The following EPG5 variants were observed in gnomAD, a reference collection of about 807,000 sequenced individuals.
EPG5 encodes ectopic P-granules 5 autophagy tethering factor, also known as ectopic P granules protein 5 homolog.
EPG5 carries 159 observed loss-of-function variants against 302.7 expected under a neutral mutation model. That is an observed-to-expected ratio of 0.53 (90% confidence interval 0.46 to 0.60). The LOEUF is 0.60. Ranked by LOEUF, EPG5 falls within the 20% of genes least tolerant of loss-of-function variation. The pLI, the probability that EPG5 is intolerant of heterozygous loss-of-function variation, is 0.00. For missense variants in EPG5, 2,896 were observed against 3,092.4 expected, an observed-to-expected ratio of 0.94 and a Z score of 1.51; for synonymous variants, 1,158 against 1,136.8, an observed-to-expected ratio of 1.02 and a Z score of -0.37.
rs1284048303 is a variant in EPG5, at chr18:45,865,358, GAAA to G, written c.6766+254_6766+256del. Among the ~76,000 whole-genome samples the G allele has an allele frequency of 2.0e-5, 3 of 152,144 alleles. No individual in the cohort carries two copies. The South Asian group carries it at 6.2e-4, about 32-fold the overall frequency. ...AAAATCCCTAGAAATGCCGCTCACT[GAAA>G]GGTCTCTGATATCTCCTAATCATTA... On this transcript the variant is annotated intron_variant, in intron 39 of 43. Coordinates refer to ENST00000282041, the MANE Select transcript of EPG5 (RefSeq NM_020964.3).
At chr18:45,895,133 T>C (rs1411102304) in intron 27 of EPG5, among the ~76,000 whole-genome samples, 3 of 151,990 alleles carry the variant, frequency 2.0e-5, no homozygotes, top group Non-Finnish European at 4.4e-5. Context: ...CTTTGGAAAA[T>C]ACAGGAATGA....
chr18:45,957,586 C>T (rs1343545754), intron 1 of EPG5, among the ~76,000 whole-genome samples: 1 of 152,166 alleles, frequency 6.6e-6, no homozygotes, highest in Admixed American at 6.5e-5. Context: ...ACATCAGGGA[C>T]TCTTCATCGC....
intron 7 of EPG5, 52 bp from the exon 8 acceptor site, chr18:45,944,171 T>C (rs770289372): frequency 3.5e-6 from 4 of 1,128,326 alleles, no homozygotes; most frequent in East Asian, 4.7e-5. Flanking sequence ...GATCACACTA[T>C]GATCTAGCGT....
chr18:45,825,696 G>C, the EPG5 span: 2 of 1,609,040 alleles, frequency 1.2e-6, no homozygotes, highest in African/African-American at 1.3e-5. Flanking sequence ...GGCCGAGAGC[G>C]GGTCTGGCCT....
chr18:45,925,170 G>A (rs1327948602), intron 14 of EPG5, among the ~76,000 whole-genome samples: 2 of 152,168 alleles, frequency 1.3e-5, no homozygotes, highest in Non-Finnish European at 2.9e-5. Context: ...TAACTAGCCA[G>A]AGACAAAACA....
rs779003764 is a variant in EPG5 at position 45,954,796 on chromosome 18, T to G, written c.606A>C (p.Pro202=). Residue 202 remains proline (P), a synonymous_variant, in exon 2 of 44, where the codon CCA becomes CCC. Transcript: ENST00000282041. ...PQNVGLQSSC[P]AKHGFQTPRV... Reference sequence around the variant, plus strand: ...TAGGTGTCTGAAAACCATGTTTGGCTGGGCAAGAACTCTGCAAGCCAACAT... The same window carrying G: ...TAGGTGTCTGAAAACCATGTTTGGCGGGGCAAGAACTCTGCAAGCCAACAT... 2.5e-6 allele frequency: 4 copies of G among 1,613,994 alleles called. No homozygotes were observed. The highest frequency in any genetic ancestry group is 1.7e-4 in the Middle Eastern group (1 of 6,056).
At chr18:45,936,633 C>T (rs1395188664) in intron 10 of EPG5, among the ~76,000 whole-genome samples, 1 of 145,282 alleles carries the variant, frequency 6.9e-6, no homozygotes, top group African/African-American at 2.6e-5. Flanking sequence ...GAGGCTGAGG[C>T]AGGAGAATCA....
chr18:45,921,901 T>C (rs1257474281), intron 16 of EPG5, among the ~76,000 whole-genome samples: 1 of 150,444 alleles, frequency 6.6e-6, no homozygotes, highest in African/African-American at 2.5e-5. Context: ...ACATGGCACA[T>C]GTATATGTAT....
the EPG5 span, chr18:45,829,153 A>G: frequency 1.0e-6 from 1 of 985,518 alleles, no homozygotes; most frequent in African/African-American, 1.7e-5. Context: ...CAGCAGGGTC[A>G]GCCTGTGGCC....
At chr18:45,901,266 AT>A in intron 25 of EPG5, 99 bp from the exon 26 acceptor site, 2 of 1,031,146 alleles carry the variant, frequency 1.9e-6, no homozygotes, top group Non-Finnish European at 2.8e-6. Context: ...TCCTCAAAAA[AT>A]TTATAGTCTT....
chr18:45,934,835 G>A lies in EPG5; in HGVS notation c.2231C>T (p.Pro744Leu). 6.2e-7 allele frequency: 1 copy of A among 1,614,028 alleles called. No homozygotes were observed. Among genetic ancestry groups the A allele is most frequent in the Middle Eastern group, 1.7e-4 (1 of 6,058 alleles). The part of the protein sequence containing the change: ...NLQQLSSSLQ[P>L]AQCKQQLQDP... ...TTGGAGCTGCTGCTTGCACTGGGCG[G>A]GCTGCAGGGAGGAGGAGAGCTGCTG... The change falls in exon 11 of 44, where the codon CCC becomes CTC. Residue 744 changes from proline (P) to leucine (L), a missense_variant. Pro to Leu is a moderately conservative substitution (Grantham distance 98). Transcript: ENST00000282041.
Position 45,867,552 on chromosome 18 carries a change from C to T in EPG5, c.6411+11G>A, listed in dbSNP as rs776359537. ...CTTGCCGAATTTTTGCCATAAGCTT[C>T]CCAAACTTACTGTTTGGTCTACCAG... On this transcript the variant is annotated intron_variant, in intron 37 of 43. Transcript: ENST00000282041. 2 of 1,611,290 alleles carry T rather than the reference C, an allele frequency of 1.2e-6. No individual in the cohort carries two copies. Among genetic ancestry groups the T allele is most frequent in the Non-Finnish European group, 1.7e-6 (2 of 1,178,036 alleles).
At chr18:45,916,383 G>T (rs1469583785) in intron 18 of EPG5, 55 bp downstream of exon 18, 1 of 1,589,354 alleles carries the variant, frequency 6.3e-7, no homozygotes, top group Non-Finnish European at 8.6e-7. Context: ...TAACGCTAGA[G>T]GTCTTGGTTG....
At chr18:45,837,060 G>A in the EPG5 span, 48 of 1,572,898 alleles carry the variant, frequency 3.1e-5, no homozygotes, top group Non-Finnish European at 3.5e-5. Flanking sequence ...TAGATACTAC[G>A]GAGAACTTGC....
chr18:45,838,819 TCCGGC>T, the EPG5 span: 1 of 1,560,542 alleles, frequency 6.4e-7, no homozygotes, highest in Admixed American at 1.9e-5. Context: ...CCTCGCCTGG[TCCGGC>T]CCGGCCCTGG....
intron 24 of EPG5, 31 bp downstream of exon 24, chr18:45,907,920 TAAAAAAA>T: frequency 1.6e-5 from 21 of 1,343,536 alleles, no homozygotes; most frequent in Admixed American, 9.1e-5. Context: ...TCAGATATGC[TAAAAAAA>T]AAAAAAAAAA....
At chr18:45,925,537 T>G (rs766499087) in intron 14 of EPG5, among the ~76,000 whole-genome samples, 3 of 152,218 alleles carry the variant, frequency 2.0e-5, no homozygotes, top group Non-Finnish European at 4.4e-5. Context: ...GAATTTTCAA[T>G]GTGGAACAAT....
intron 43 of EPG5, among the ~76,000 whole-genome samples, chr18:45,855,046 A>T (rs2048486250): frequency 6.6e-6 from 1 of 151,804 alleles, no homozygotes; most frequent in Admixed American, 6.6e-5. Flanking sequence ...CATAGGTTAT[A>T]GGAATGTGGC....
Position 45,954,395 on chromosome 18 carries a change from T to A in EPG5, c.1007A>T (p.Gln336Leu). 6.3e-7 allele frequency: 1 copy of A among 1,595,032 alleles called. No individual in the cohort carries two copies. The highest frequency in any genetic ancestry group is 8.5e-7 in the Non-Finnish European group (1 of 1,171,944). Reference sequence around the variant, plus strand: ...TCCCCAGGCTTCTGATCAAAATACCTGTACAGACATTTGTTCCTCCTTAAA... The same window carrying A: ...TCCCCAGGCTTCTGATCAAAATACCAGTACAGACATTTGTTCCTCCTTAAA... ...WQFKEEQMSV[Q>L]GICADQVKVF... is the part of the protein sequence containing the mutation. The change falls in exon 2 of 44, where the codon CAG (glutamine) becomes CTG (leucine). Residue 336 changes from glutamine (Q) to leucine (L), a missense_variant and splice_region_variant. By Grantham distance (113) the Gln-to-Leu change is moderately radical. Transcript: ENST00000282041.
Sources: gnomAD v4.1 joint callset for allele counts (sites outside exome capture counted in the v4.1 genomes callset) on GRCh38, gnomAD v4.1.1 for gene constraint, MANE v1.5 for transcripts, NCBI Gene and HGNC (gene_info 2026-07-23, HGNC 2026-07-21) for gene names.